WASHC2C: variants seen among roughly 807,000 people sequenced by gnomAD.
WASHC2C encodes Vaccinia Penetration Factor.
Under a neutral mutation model 142.2 loss-of-function variants are expected in WASHC2C, and 73 were observed. That is an observed-to-expected ratio of 0.51 (90% CI 0.43 to 0.62). WASHC2C has a LOEUF of 0.62. WASHC2C is among the 20% of genes least tolerant of loss of function. WASHC2C has a pLI of 0.00. For missense variants in WASHC2C, 969 were observed against 1,531.7 expected, an observed-to-expected ratio of 0.63 and a Z score of 6.13; for synonymous variants, 337 against 565.5, an observed-to-expected ratio of 0.60 and a Z score of 5.73.
At chr10:45,735,954 T>G (rs2051174639) in intron 3 of WASHC2C, among the ~76,000 whole-genome samples, 1 of 151,750 alleles carries the variant, frequency 6.6e-6, no homozygotes, top group Admixed American at 6.6e-5. Context: ...GGTATATAAA[T>G]AAATAATAAA....
At chr10:45,758,592 C>T (rs1305179851) in intron 16 of WASHC2C, among the ~76,000 whole-genome samples, 2 of 150,300 alleles carry the variant, frequency 1.3e-5, no homozygotes, top group African/African-American at 4.9e-5. Context: ...TAATCCATTA[C>T]CATCATTCTT....
At chr10:45,734,928 T>G (rs1554863875) in intron 3 of WASHC2C, among the ~76,000 whole-genome samples, 1 of 151,868 alleles carries the variant, frequency 6.6e-6, no homozygotes, top group African/African-American at 2.4e-5. Context: ...GATTTCATTT[T>G]TATCCCTTAT....
At position 45,789,000 on chromosome 10, in the gene WASHC2C, G is replaced by A. The variant is rs1278851700; in HGVS notation, c.3217G>A (p.Ala1073Thr). ...RGPIAQWADG[A>T]ISPNGHRPQL... is the part of the protein sequence containing the mutation. The stretch of plus-strand genomic sequence containing the variant: ...ACCCATTGCACAGTGGGCTGATGGC[G>A]CCATTTCCCCAAATGGCCATCGGCC... Residue 1073 changes from alanine to threonine, a missense_variant, in exon 29 of 31, where the codon GCC becomes ACC. Coordinates refer to ENST00000623400, the MANE Select transcript of WASHC2C (RefSeq NM_001330074.2). 6.9e-5 allele frequency: 112 copies of A among 1,612,002 alleles called. No individual in the cohort carries two copies. The South Asian group carries it at 7.5e-4, about 11-fold the overall frequency.
At chr10:45,732,452 C>T (rs1442431911) in intron 3 of WASHC2C, among the ~76,000 whole-genome samples, 1 of 152,086 alleles carries the variant, frequency 6.6e-6, no homozygotes. Flanking sequence ...ATTCTAAAGG[C>T]TTAATTATCT....
intron 17 of WASHC2C, among the ~76,000 whole-genome samples, chr10:45,760,966 A>C (rs2054996703): frequency 6.6e-6 from 1 of 151,902 alleles, no homozygotes; most frequent in East Asian, 2.0e-4. Context: ...TTGATTAGAC[A>C]AGAAAACCAA....
chr10:45,743,330 C>T lies in WASHC2C; in HGVS notation c.529-60C>T. On this transcript the variant is annotated intron_variant, in intron 5 of 30. Coordinates refer to ENST00000623400, the MANE Select transcript of WASHC2C (RefSeq NM_001330074.2). ...TCAGATGGAACAGGGTATCAGGTGG[C>T]ACATGTAAGTTTGTTTTCAACTGAA... 7 of 1,606,092 alleles carry T rather than the reference C, an allele frequency of 4.4e-6. No homozygotes were observed. In the South Asian group the frequency reaches 4.4e-5, roughly 10 times the overall value.
Position 45,777,336 on chromosome 10 carries a change from C to T in WASHC2C, c.2206C>T (p.Gln736Ter). Residue 736 changes from glutamine (Q) to a stop codon, truncating the protein, a stop_gained, in exon 22 of 31, where the codon CAA (glutamine) becomes TAA (stop). Coordinates refer to ENST00000623400, the MANE Select transcript of WASHC2C (RefSeq NM_001330074.2). LOFTEE classifies it high-confidence loss of function. ...LFSDEEEKEA[Q>*]LGVKSVDKKV... is the part of the protein sequence containing the mutation. The stretch of plus-strand genomic sequence containing the variant: ...CAGCGATGAAGAAGAGAAGGAGGCA[C>T]AACTTGGAGTGAAGTCTGTGGATAA... The T allele has an allele frequency of 6.2e-7, 1 of 1,607,184 alleles. No individual in the cohort carries two copies. The highest frequency in any genetic ancestry group is 8.5e-7 in the Non-Finnish European group (1 of 1,176,418).
At chr10:45,754,863 A>T in intron 14 of WASHC2C, 73 bp from the exon 15 acceptor site, 1 of 1,563,106 alleles carries the variant, frequency 6.4e-7, no homozygotes, top group Non-Finnish European at 8.7e-7. Flanking sequence ...TTGGTGGGTG[A>T]TAATTTTTTT....
intron 20 of WASHC2C, among the ~76,000 whole-genome samples, chr10:45,771,150 A>C (rs1376717705): frequency 6.6e-6 from 1 of 151,918 alleles, no homozygotes; most frequent in South Asian, 2.1e-4. Flanking sequence ...GCAGATCACG[A>C]GGTCAGGAGT....
rs1272997934 is a variant in WASHC2C at position 45,777,372 on chromosome 10, A to C, written c.2242A>C (p.Ser748Arg). ...GVKSVDKKVE[S>R]AKESLKFGRT... The stretch of plus-strand genomic sequence containing the variant: ...GAAGTCTGTGGATAAGAAGGTTGAG[A>C]GTGCCAAGGAGTCATTAAAATTTGG... The change falls in exon 22 of 31, where the codon AGT (serine) becomes CGT (arginine). Residue 748 changes from serine to arginine, a missense_variant. By Grantham distance (110) the Ser-to-Arg change is moderately radical. Transcript: ENST00000623400. The C allele has an allele frequency of 2.8e-5, 45 of 1,610,112 alleles. No individual in the cohort carries two copies. In the Admixed American group the frequency reaches 7.4e-4, roughly 26 times the overall value.
intron 13 of WASHC2C, among the ~76,000 whole-genome samples, chr10:45,753,861 G>A (rs1355774960): frequency 6.9e-6 from 1 of 144,440 alleles, no homozygotes; most frequent in Non-Finnish European, 1.5e-5. Flanking sequence ...ACCTACAAAT[G>A]TTACTCAATA....
rs868933144 is a variant in WASHC2C, at chr10:45,754,965, G to A, written c.1270G>A (p.Val424Ile). ...GDTDVFGAAS[V>I]PSLKEPQKPE... ...CACGGATGTGTTTGGTGCTGCCTCCGTTCCATCACTGAAGGAGCCACAGAA... is the reference window on the plus strand; with the variant it reads ...CACGGATGTGTTTGGTGCTGCCTCCATTCCATCACTGAAGGAGCCACAGAA... The change falls in exon 15 of 31, where the codon GTT (valine) becomes ATT (isoleucine). Residue 424 changes from valine (V) to isoleucine (I), a missense_variant. Coordinates refer to ENST00000623400, the MANE Select transcript of WASHC2C (RefSeq NM_001330074.2). 30 of 1,611,942 alleles carry A rather than the reference G, an allele frequency of 1.9e-5. No individual in the cohort carries two copies. The highest frequency in any genetic ancestry group is 6.7e-5 in the East Asian group (3 of 44,890).
chr10:45,728,650 A>G (rs1025732438), intron 2 of WASHC2C, among the ~76,000 whole-genome samples: 7 of 151,818 alleles, frequency 4.6e-5, no homozygotes, highest in Non-Finnish European at 1.0e-4. Context: ...AGGCAGGAGA[A>G]TCGCTTGAAC....
At chr10:45,758,959 C>T (rs1263769687) in intron 16 of WASHC2C, among the ~76,000 whole-genome samples, 1 of 151,372 alleles carries the variant, frequency 6.6e-6, no homozygotes, top group African/African-American at 2.4e-5. Flanking sequence ...CTCTTTGTGT[C>T]ATGTCCTGGC....
Position 45,750,846 on chromosome 10 carries a change from C to G in WASHC2C, c.931+8C>G. On this transcript the variant is annotated splice_region_variant and intron_variant, in intron 10 of 30. Coordinates refer to ENST00000623400, the MANE Select transcript of WASHC2C (RefSeq NM_001330074.2). ...TGGACGAGGAGCCGACAAGTGAGCC[C>G]CAGCCACGTTGATGGGGAGTAGGGG... is the stretch of plus-strand genomic sequence containing the variant. 6.5e-7 allele frequency: 1 copy of G among 1,547,578 alleles called. No individual in the cohort carries two copies. Among genetic ancestry groups the G allele is most frequent in the Non-Finnish European group, 8.7e-7 (1 of 1,146,668 alleles).
chr10:45,736,473 GCCTGTAATCCCA>G (rs2051292950), intron 3 of WASHC2C, among the ~76,000 whole-genome samples: 2 of 139,012 alleles, frequency 1.4e-5, no homozygotes, highest in South Asian at 2.5e-4. Context: ...GGTGGTGCAC[GCCTGTAATCCCA>G]ATTACTTGGG....
rs1554883863 is a variant in WASHC2C at position 45,769,619 on chromosome 10, G to T, written c.2039+1G>T. Reference sequence around the variant, plus strand: ...ATCTTTTTGCCATTGCCAAGGACAGGTGAGATAGTCATTGGAAGGAGTCCC... The same window carrying T: ...ATCTTTTTGCCATTGCCAAGGACAGTTGAGATAGTCATTGGAAGGAGTCCC... On this transcript the variant is annotated splice_donor_variant, in intron 20 of 30. Transcript: ENST00000623400. LOFTEE classifies it high-confidence loss of function. 1 of 1,611,940 alleles carries T rather than the reference G, an allele frequency of 6.2e-7. No homozygotes were observed. The highest frequency in any genetic ancestry group is 1.1e-5 in the South Asian group (1 of 90,986).
chr10:45,785,038 C>T (rs761594748), intron 25 of WASHC2C, 137 bp downstream of exon 25: 24 of 1,587,946 alleles, frequency 1.5e-5, no homozygotes, highest in South Asian at 6.7e-5. Context: ...AATAACATGC[C>T]GAGGGGAGCG....
At chr10:45,758,449 A>T (rs1337094475) in intron 16 of WASHC2C, among the ~76,000 whole-genome samples, 1 of 152,156 alleles carries the variant, frequency 6.6e-6, no homozygotes, top group Non-Finnish European at 1.5e-5. Context: ...GTTAGCGGGC[A>T]CAAACCACTA....
Sources: gnomAD v4.1 joint callset for allele counts (sites outside exome capture counted in the v4.1 genomes callset) on GRCh38, gnomAD v4.1.1 for gene constraint, MANE v1.5 for transcripts, NCBI Gene and HGNC (gene_info 2026-07-23, HGNC 2026-07-21) for gene names.